RICTOR: variants seen among roughly 807,000 people sequenced by gnomAD.
The protein encoded by RICTOR is rapamycin-insensitive companion of mTOR.
Under a neutral mutation model 214.9 loss-of-function variants are expected in RICTOR, and 49 were observed. The ratio of observed to expected loss-of-function variants is 0.23; its 90% CI spans 0.18 to 0.29. RICTOR has a LOEUF of 0.29. Ranked by LOEUF, RICTOR falls within the 10% of genes least tolerant of loss-of-function variation. The pLI, the probability that RICTOR is intolerant of heterozygous loss-of-function variation, is 1.00. For synonymous variants in RICTOR, 717 were observed against 711.3 expected (o/e 1.01, Z -0.13); for missense variants, 1,625 against 2,047.0 (o/e 0.79, Z 3.98).
intron 2 of RICTOR, among the ~76,000 whole-genome samples, chr5:39,026,916 G>A (rs953179493): frequency 6.6e-6 from 1 of 151,988 alleles, no homozygotes; most frequent in African/African-American, 2.4e-5. Context: ...GCTGAGGCAG[G>A]AGAATCACTT....
intron 36 of RICTOR, chr5:38,944,189 C>A (rs772985698): frequency 1.8e-6 from 1 of 548,194 alleles, no homozygotes; most frequent in South Asian, 1.6e-5. Flanking sequence ...CATTATTTTA[C>A]ATTTTTTGCA....
intron 3 of RICTOR, among the ~76,000 whole-genome samples, chr5:39,004,954 T>G (rs1753933704): frequency 6.6e-6 from 1 of 152,020 alleles, no homozygotes; most frequent in South Asian, 2.1e-4. Flanking sequence ...GCTAATTTTG[T>G]ATTTTTAGTA....
rs952387446 is a variant in RICTOR, at chr5:38,938,805, G to A, written c.*3499C>T. On this transcript the variant is annotated 3_prime_UTR_variant, in exon 38 of 38. Transcript: ENST00000357387. ...CTCTTGAGATTAAGATAGTAACAGT[G>A]TATTTTGTTAATGCAGAGACAATGG... 66 of 232,922 alleles carry A rather than the reference G, an allele frequency of 2.8e-4. No individual in the cohort carries two copies. Among genetic ancestry groups the A allele is most frequent in the Non-Finnish European group, 6.8e-5 (8 of 117,700 alleles). 14.4% of individuals were successfully genotyped at this position (232,922 alleles called of 1,614,324 possible).
Position 39,062,560 on chromosome 5 carries a change from T to C in RICTOR, c.97+11551A>G, listed in dbSNP as rs55964525. On this transcript the variant is annotated intron_variant, in intron 2 of 37. Coordinates refer to ENST00000357387, the MANE Select transcript of RICTOR (RefSeq NM_152756.5). ...GTCAAACACTAAGCATGGAAATAAA[T>C]AGCAATACTATTTTAAGATGTGATT... 7.6e-3 allele frequency among the ~76,000 whole-genome samples: 1,150 copies of C among 152,214 alleles called. 16 individuals carry two copies. Among genetic ancestry groups the C allele is most frequent in the African/African-American group, 0.025 (1,022 of 41,556 alleles).
At chr5:39,031,093 A>T (rs750847121) in intron 2 of RICTOR, among the ~76,000 whole-genome samples, 8 of 152,182 alleles carry the variant, frequency 5.3e-5, no homozygotes, top group East Asian at 1.9e-4. Flanking sequence ...CCTTCTAATT[A>T]AAATCACTTA....
chr5:39,012,878 C>A (rs1231072828), intron 3 of RICTOR, among the ~76,000 whole-genome samples: 1 of 152,012 alleles, frequency 6.6e-6, no homozygotes, highest in African/African-American at 2.4e-5. Flanking sequence ...CTAAACCTGA[C>A]CAAATAACAT....
intron 24 of RICTOR, 98 bp downstream of exon 24, chr5:38,958,345 C>G (rs867905958): frequency 2.6e-6 from 2 of 776,612 alleles, no homozygotes; most frequent in Non-Finnish European, 2.3e-6. Flanking sequence ...AAGGTAAACT[C>G]TTCAGCGTAC....
At chr5:39,047,947 G>GT (rs1448880883) in intron 2 of RICTOR, among the ~76,000 whole-genome samples, 1 of 152,134 alleles carries the variant, frequency 6.6e-6, no homozygotes, top group Non-Finnish European at 1.5e-5. Context: ...GTTGGAAAAA[G>GT]TAACAAAAAG....
chr5:38,990,718 GATATATATC>G (rs1752643117), intron 7 of RICTOR, among the ~76,000 whole-genome samples: 1 of 15,972 alleles, frequency 6.3e-5, no homozygotes, highest in South Asian at 1.7e-3. Context: ...TGATATATAT[GATATATATC>G]ATATATATGA....
intron 11 of RICTOR, among the ~76,000 whole-genome samples, chr5:38,968,338 T>C (rs1427161482): frequency 1.3e-5 from 2 of 152,156 alleles, no homozygotes; most frequent in African/African-American, 4.8e-5. Flanking sequence ...GCCAGTTGTT[T>C]AAAAGCATTA....
chr5:39,061,797 T>C (rs987036151), intron 2 of RICTOR, among the ~76,000 whole-genome samples: 4 of 152,038 alleles, frequency 2.6e-5, no homozygotes, highest in African/African-American at 9.6e-5. Context: ...AATTTTGATA[T>C]GAAGAACAAC....
rs2112854862 is a variant in RICTOR, at chr5:38,950,355, C to A, written c.3493G>T (p.Gly1165Trp). Residue 1165 changes from glycine (G) to tryptophan (W), a missense_variant, in exon 31 of 38, where the codon GGG becomes TGG. Around this residue, in one of 5 missense-constraint regions of RICTOR, gnomAD observed 1,214 missense variants for 1,470.5 expected, o/e 0.83. Coordinates refer to ENST00000357387, the MANE Select transcript of RICTOR (RefSeq NM_152756.5). The stretch of plus-strand genomic sequence containing the variant: ...CCAGTGTCTTCAATGTGCTTATTCC[C>A]CATAAATGAAGTCTCTAATTGTAAT... ...KTLQLETSFMGNKHIEDTGST... is the reference protein window; with the variant it reads ...KTLQLETSFMWNKHIEDTGST... 6.2e-7 allele frequency: 1 copy of A among 1,613,246 alleles called. No individual in the cohort carries two copies. Among genetic ancestry groups the A allele is most frequent in the Non-Finnish European group, 8.5e-7 (1 of 1,179,506 alleles).
intron 10 of RICTOR, 130 bp downstream of exon 10, chr5:38,975,407 G>A: frequency 1.5e-6 from 1 of 661,206 alleles, no homozygotes. Flanking sequence ...AGTTCCTTTG[G>A]TTCTAATAAT....
At chr5:39,027,193 G>A (rs1755894738) in intron 2 of RICTOR, among the ~76,000 whole-genome samples, 1 of 151,982 alleles carries the variant, frequency 6.6e-6, no homozygotes, top group Non-Finnish European at 1.5e-5. Flanking sequence ...AAAGGGATGG[G>A]GTTAACACTT....
At position 39,019,840 on chromosome 5, in the gene RICTOR, C is replaced by G. The variant is rs139286800; in HGVS notation, c.195+1199G>C. 3.2e-4 allele frequency among the ~76,000 whole-genome samples: 48 copies of G among 152,254 alleles called. No individual in the cohort carries two copies. The East Asian group carries it at 9.1e-3, about 29-fold the overall frequency. On this transcript the variant is annotated intron_variant, in intron 3 of 37. Transcript: ENST00000357387. ...ATAGACAGTGATTCCTCTGATGGAT[C>G]TGGGCAAAGCAAACTGAAAACCTTC...
At chr5:38,958,946 TG>T in intron 22 of RICTOR, 115 bp from the exon 23 acceptor site, 1 of 792,262 alleles carries the variant, frequency 1.3e-6, no homozygotes, top group Non-Finnish European at 1.9e-6. Flanking sequence ...CTGGAATTGG[TG>T]GTCTAGCCCT....
chr5:39,068,279 T>C (rs1363732352), intron 2 of RICTOR, among the ~76,000 whole-genome samples: 1 of 152,202 alleles, frequency 6.6e-6, no homozygotes, highest in African/African-American at 2.4e-5. Context: ...ACATTCTTCT[T>C]TGACTGAAAG....
At chr5:38,944,735 G>A (rs1351862127) in intron 35 of RICTOR, among the ~76,000 whole-genome samples, 166 bp from the exon 36 acceptor site, 2 of 152,126 alleles carry the variant, frequency 1.3e-5, no homozygotes, top group African/African-American at 4.8e-5. Flanking sequence ...TAGCTAAGAG[G>A]CTCTATGTCA....
intron 17 of RICTOR, 44 bp downstream of exon 17, chr5:38,962,832 A>C (rs760270025): frequency 1.3e-6 from 2 of 1,504,850 alleles, no homozygotes; most frequent in Non-Finnish European, 1.8e-6. Flanking sequence ...TTAAGGAATT[A>C]AGATGTTGTG....
Sources: allele counts gnomAD v4.1 joint callset (sites outside exome capture counted in the v4.1 genomes callset), GRCh38; gene constraint gnomAD v4.1.1; regional missense constraint gnomAD v4.1.1; transcripts MANE v1.5; gene names NCBI Gene and HGNC (gene_info 2026-07-23, HGNC 2026-07-21).